Variants in ARHGAP32 observed in about 807,000 individuals in gnomAD.
ARHGAP32 encodes the protein Rho GTPase activating protein 32.
Under a neutral mutation model 186.5 loss-of-function variants are expected in ARHGAP32, and 51 were observed. The observed-to-expected ratio is 0.27, with a 90% CI of 0.22 to 0.35. The LOEUF (loss-of-function observed/expected upper bound fraction) is 0.35. ARHGAP32 is among the 10% of genes least tolerant of loss of function. The pLI is 1.00. For missense variants in ARHGAP32, 2,186 were observed against 2,623.5 expected (o/e 0.83, Z 3.64); for synonymous variants, 950 against 964.3 (o/e 0.99, Z 0.27).
Position 128,988,076 on chromosome 11 carries a change from G to C in ARHGAP32, c.1245C>G (p.Ile415Met). 6.2e-7 allele frequency: 1 copy of C among 1,613,490 alleles called. No homozygotes were observed. Among genetic ancestry groups the C allele is most frequent in the Non-Finnish European group, 8.5e-7 (1 of 1,179,618 alleles). ...CAGAAAGGCGATAGATTCCATCCAC[G>C]ATGCCATATCTCTCAATGAATGCTG... ...SCTAFIERYG[I>M]VDGIYRLSGV... The change falls in exon 13 of 23, where the codon ATC becomes ATG. Residue 415 changes from isoleucine to methionine, a missense_variant. By Grantham distance (10) the Ile-to-Met change is conservative. Transcript: ENST00000682385.
intron 10 of ARHGAP32, among the ~76,000 whole-genome samples, chr11:129,055,492 T>C (rs1460962007): frequency 2.6e-5 from 4 of 152,242 alleles, no homozygotes; most frequent in African/African-American, 7.2e-5. Context: ...TAGATGTTTA[T>C]AGCAGTTTCA....
intron 1 of ARHGAP32, among the ~76,000 whole-genome samples, chr11:129,234,612 T>A (rs1944903486): frequency 6.6e-6 from 1 of 152,152 alleles, no homozygotes; most frequent in Non-Finnish European, 1.5e-5. Flanking sequence ...TTTTCTAGGT[T>A]ATTTTTCCCA....
At chr11:129,182,711 G>A (rs570223607) in intron 1 of ARHGAP32, among the ~76,000 whole-genome samples, 90 of 151,000 alleles carry the variant, frequency 6.0e-4, no homozygotes, top group African/African-American at 2.0e-3. Context: ...TGGTGTAATC[G>A]TAGCTTACTA....
In ARHGAP32 at chr11:129,098,758, A is replaced by T. The variant is rs189180814; in HGVS notation, c.445-5051T>A. ...ATCATTTCAAAGGCTAATATATTTT[A>T]AAAATTATTTATGTTTCAGAGCAGA... On this transcript the variant is annotated intron_variant, in intron 5 of 22. Transcript: ENST00000682385. 2.8e-4 allele frequency among the ~76,000 whole-genome samples: 42 copies of T among 152,276 alleles called. No individual in the cohort carries two copies. In the East Asian group the frequency reaches 3.5e-3, roughly 13 times the overall value.
At chr11:129,016,941 T>C (rs911599510) in intron 11 of ARHGAP32, among the ~76,000 whole-genome samples, 2 of 152,216 alleles carry the variant, frequency 1.3e-5, no homozygotes, top group African/African-American at 4.8e-5. Flanking sequence ...TTGTTGTAGA[T>C]AGTCTTAGGA....
At chr11:129,011,871 G>C (rs757051805) in intron 11 of ARHGAP32, among the ~76,000 whole-genome samples, 1 of 152,002 alleles carries the variant, frequency 6.6e-6, no homozygotes, top group African/African-American at 2.4e-5. Flanking sequence ...AAGAAAGGAT[G>C]AGGAATACAC....
chr11:129,228,814 C>A (rs1346056900), intron 1 of ARHGAP32, among the ~76,000 whole-genome samples: 1 of 152,044 alleles, frequency 6.6e-6, no homozygotes, highest in Non-Finnish European at 1.5e-5. Context: ...ATACGTTTAC[C>A]TACATAACAA....
At chr11:129,245,845 TA>T (rs1945087435) in intron 1 of ARHGAP32, among the ~76,000 whole-genome samples, 1 of 152,048 alleles carries the variant, frequency 6.6e-6, no homozygotes, top group East Asian at 1.9e-4. Flanking sequence ...GACCAGTGTT[TA>T]GGGGTGGTTG....
intron 1 of ARHGAP32, among the ~76,000 whole-genome samples, chr11:129,242,183 T>C (rs1022201730): frequency 1.3e-5 from 2 of 152,170 alleles, no homozygotes; most frequent in East Asian, 1.9e-4. Flanking sequence ...AAACCACCTA[T>C]GGTGCAAAAT....
intron 1 of ARHGAP32, among the ~76,000 whole-genome samples, chr11:129,267,081 C>T (rs1157788880): frequency 6.6e-6 from 1 of 152,226 alleles, no homozygotes; most frequent in Non-Finnish European, 1.5e-5. Context: ...GGCTGACTCT[C>T]TGCACCTCAG....
At chr11:129,132,120 T>C (rs1471294035) in intron 2 of ARHGAP32, among the ~76,000 whole-genome samples, 1 of 152,008 alleles carries the variant, frequency 6.6e-6, no homozygotes, top group Non-Finnish European at 1.5e-5. Context: ...GAATTTCATC[T>C]TTCTCACGAA....
intron 1 of ARHGAP32, among the ~76,000 whole-genome samples, chr11:129,252,927 C>G (rs774678305): frequency 6.6e-6 from 1 of 152,066 alleles, no homozygotes; most frequent in Non-Finnish European, 1.5e-5. Flanking sequence ...GCATATGCAT[C>G]TTAGTAGTTA....
chr11:129,038,455 A>T (rs1226487257), intron 11 of ARHGAP32, among the ~76,000 whole-genome samples: 1 of 152,072 alleles, frequency 6.6e-6, no homozygotes, highest in African/African-American at 2.4e-5. Flanking sequence ...TGACTAAAGA[A>T]ACATCAAAAG....
chr11:129,077,696 T>C (rs941936310), intron 6 of ARHGAP32, among the ~76,000 whole-genome samples: 1 of 152,112 alleles, frequency 6.6e-6, no homozygotes, highest in African/African-American at 2.4e-5. Context: ...GGTCTTTCTC[T>C]ACCTGCCCTG....
intron 5 of ARHGAP32, among the ~76,000 whole-genome samples, chr11:129,104,668 T>G (rs879496516): frequency 6.9e-6 from 1 of 145,532 alleles, no homozygotes; most frequent in Non-Finnish European, 1.5e-5. Context: ...AGCAAGGAGA[T>G]AAGAAGAAAA....
chr11:129,130,264 AC>A (rs1942780097), intron 2 of ARHGAP32, among the ~76,000 whole-genome samples: 1 of 151,300 alleles, frequency 6.6e-6, no homozygotes, highest in African/African-American at 2.5e-5. Flanking sequence ...TCAGAACAGT[AC>A]AGTTTTTAAA....
Position 129,164,412 on chromosome 11 carries a change from T to C in ARHGAP32, c.132A>G (p.Ser44=), listed in dbSNP as rs745751764. The C allele has an allele frequency of 1.0e-4, 163 of 1,556,242 alleles. No homozygotes were observed. The highest frequency in any genetic ancestry group is 1.4e-4 in the Non-Finnish European group (155 of 1,147,644). Residue 44 remains serine (S), a synonymous_variant, in exon 2 of 23, where the codon TCA becomes TCG. Coordinates refer to ENST00000682385, the MANE Select transcript of ARHGAP32 (RefSeq NM_001378024.1). ...CAAAATCATCTTCTTCAGAATGTAC[T>C]GAGGACTTCATCTTCCTAGAGATCA... ...REEKFRKMKS[S]VHSEEDDFVP...
chr11:129,230,077 A>C (rs1944837779), intron 1 of ARHGAP32, among the ~76,000 whole-genome samples: 1 of 152,146 alleles, frequency 6.6e-6, no homozygotes, highest in African/African-American at 2.4e-5. Context: ...GGCCTCCCAA[A>C]GTGCTGATTA....
At chr11:129,027,391 A>G (rs957909460) in intron 11 of ARHGAP32, among the ~76,000 whole-genome samples, 1 of 152,044 alleles carries the variant, frequency 6.6e-6, no homozygotes, top group African/African-American at 2.4e-5. Context: ...CTACCCAACT[A>G]ATTCTGAATA....
Sources: allele counts gnomAD v4.1 joint callset (sites outside exome capture counted in the v4.1 genomes callset), GRCh38; gene constraint gnomAD v4.1.1; transcripts MANE v1.5; gene names NCBI Gene and HGNC (gene_info 2026-07-23, HGNC 2026-07-21).